EPHX2: variants seen among roughly 807,000 people sequenced by gnomAD.
The protein encoded by EPHX2 is bifunctional epoxide hydrolase 2.
Under a neutral mutation model 78.7 loss-of-function variants are expected in EPHX2, and 74 were observed. The ratio of observed to expected loss-of-function variants is 0.94; its 90% CI spans 0.78 to 1.14. The LOEUF is 1.14. Among genes scored for constraint, EPHX2 ranks in the 50% most tolerant of loss-of-function variants. The probability of loss-of-function intolerance (pLI) is 0.00; values close to 1 mark genes in which losing one functional copy is unlikely to be tolerated. For missense variants in EPHX2, 715 were observed against 702.5 expected (o/e 1.02, Z -0.20); for synonymous variants, 251 against 255.2 (o/e 0.98, Z 0.16).
downstream of EPHX2, among the ~76,000 whole-genome samples, chr8:27,548,205 G>A (rs1425392025): frequency 6.6e-6 from 1 of 152,218 alleles, no homozygotes; most frequent in Admixed American, 6.5e-5. Context: ...ATTTCTGTCT[G>A]TCTTGGGGTA....
intron 11 of EPHX2, among the ~76,000 whole-genome samples, chr8:27,524,241 TATTCCTTTTGCTAGC>T (rs6150517): frequency 0.078 from 11,888 of 152,206 alleles, 566 homozygotes; most frequent in Middle Eastern, 0.17. Flanking sequence ...CCGTCTTTTC[TATTCCTTTTGCTAGC>T]ATCCTATTCC....
At position 27,522,446 on chromosome 8, in the gene EPHX2, T is replaced by C. The variant is rs768715983; in HGVS notation, c.996T>C (p.Ile332=). The change falls in exon 11 of 19, where the codon ATT becomes ATC. Residue 332 remains isoleucine (I), a synonymous_variant. Coordinates refer to ENST00000521400, the MANE Select transcript of EPHX2 (RefSeq NM_001979.6). The part of the protein sequence containing the change: ...DKLGLSQAVF[I]GHDWGGMLVW... ...AGGGCCTCTCTCAAGCAGTGTTCAT[T>C]GGCCATGACTGGGGTGGCATGCTGG... 2 of 1,614,072 alleles carry C rather than the reference T, an allele frequency of 1.2e-6. No individual in the cohort carries two copies. Among genetic ancestry groups the C allele is most frequent in the Admixed American group, 1.7e-5 (1 of 60,018 alleles).
intron 15 of EPHX2, 59 bp downstream of exon 15, chr8:27,540,715 A>G: frequency 6.5e-7 from 1 of 1,540,210 alleles, no homozygotes. Context: ...AGGGATCTTC[A>G]GCCCTCAGGG....
At position 27,491,159 on chromosome 8, in the gene EPHX2, A is replaced by G. The variant is rs575890391; in HGVS notation, c.-50A>G. On this transcript the variant is annotated 5_prime_UTR_variant, in exon 1 of 19. Coordinates refer to ENST00000521400, the MANE Select transcript of EPHX2 (RefSeq NM_001979.6). ...GGGTCATGCGCCCTGGCCTTCGCGC[A>G]TCTCCCAGGTTAGCTGCGTGTCCGG... The G allele has an allele frequency of 3.3e-5, 50 of 1,520,596 alleles. No homozygotes were observed. The highest frequency in any genetic ancestry group is 1.6e-5 in the Non-Finnish European group (18 of 1,137,326). 94.2% of individuals were successfully genotyped at this position (1,520,596 alleles called of 1,614,324 possible).
At chr8:27,517,904 G>A in intron 8 of EPHX2, 134 bp from the exon 9 acceptor site, 1 of 694,698 alleles carries the variant, frequency 1.4e-6, no homozygotes, top group Non-Finnish European at 2.5e-6. Context: ...CTCAGTCTAA[G>A]GATTTAGTAA....
intron 11 of EPHX2, 107 bp from the exon 12 acceptor site, chr8:27,525,255 A>G: frequency 2.2e-6 from 2 of 925,058 alleles, no homozygotes; most frequent in African/African-American, 1.6e-5. Flanking sequence ...CCTTGTGCAT[A>G]GAATGTTCCC....
intron 6 of EPHX2, among the ~76,000 whole-genome samples, chr8:27,514,534 A>C (rs1263670247): frequency 1.3e-5 from 2 of 152,202 alleles, no homozygotes; most frequent in East Asian, 3.9e-4. Flanking sequence ...GTTAGTGGCT[A>C]TAACAAACAC....
chr8:27,544,314 C>G lies in EPHX2; in HGVS notation c.1589+70C>G, dbSNP rs1009602742. On this transcript the variant is annotated intron_variant, in intron 18 of 18. Transcript: ENST00000521400. The stretch of plus-strand genomic sequence containing the variant: ...CCGTTCACCTTCCATAAAAGCTTTC[C>G]TGGTTTCATTGTGCTGGCTTTGGCC... 4 of 1,603,934 alleles carry G rather than the reference C, an allele frequency of 2.5e-6. No individual in the cohort carries two copies. In the African/African-American group the frequency reaches 4.0e-5, roughly 16 times the overall value.
In EPHX2 at chr8:27,491,252, C is replaced by A; in HGVS notation, c.44C>A (p.Ala15Glu). 1 of 1,584,432 alleles carries A rather than the reference C, an allele frequency of 6.3e-7. No individual in the cohort carries two copies. The highest frequency in any genetic ancestry group is 1.7e-5 in the Admixed American group (1 of 58,834). ...GTCTTCGACCTTGACGGGGTGCTGGCGCTGCCAGCGGTGTTCGGCGTCCTC... is the reference window on the plus strand; with the variant it reads ...GTCTTCGACCTTGACGGGGTGCTGGAGCTGCCAGCGGTGTTCGGCGTCCTC... ...AAVFDLDGVL[A>E]LPAVFGVLGR... is the part of the protein sequence containing the mutation. The change falls in exon 1 of 19, where the codon GCG (alanine) becomes GAG (glutamate). Residue 15 changes from alanine to glutamate, a missense_variant. Transcript: ENST00000521400.
At chr8:27,547,148 G>A (rs904504020), downstream of EPHX2, among the ~76,000 whole-genome samples, 4 of 152,196 alleles carry the variant, frequency 2.6e-5, no homozygotes, top group South Asian at 2.1e-4. Context: ...ACAATTTGAC[G>A]TGAGATTTGG....
intron 18 of EPHX2, 86 bp from the exon 19 acceptor site, chr8:27,544,358 C>G (rs1585228594): frequency 1.3e-6 from 2 of 1,592,042 alleles, no homozygotes; most frequent in Non-Finnish European, 8.6e-7. Context: ...CCACTCATGT[C>G]ACTCACCTCT....
rs182414303 is a variant in EPHX2 at position 27,520,977 on chromosome 8, C to T, written c.972+68C>T. The T allele has an allele frequency of 7.2e-4, 1,155 of 1,600,538 alleles. 2 individuals are homozygous for T. The Middle Eastern group carries it at 0.012, about 16-fold the overall frequency. On this transcript the variant is annotated intron_variant, in intron 10 of 18. Coordinates refer to ENST00000521400, the MANE Select transcript of EPHX2 (RefSeq NM_001979.6). Reference sequence around the variant, plus strand: ...GGGGCCTGGGTAATTAAAGAAAAGGCGTCAGCCTCGAGCAGAGGTGCACGG... The same window carrying T: ...GGGGCCTGGGTAATTAAAGAAAAGGTGTCAGCCTCGAGCAGAGGTGCACGG...
chr8:27,522,048 T>A (rs914600426), intron 10 of EPHX2, among the ~76,000 whole-genome samples: 6 of 151,910 alleles, frequency 3.9e-5, no homozygotes, highest in African/African-American at 9.7e-5. Flanking sequence ...AAAAGTGGGG[T>A]TGTGGGGGGT....
chr8:27,504,836 A>C, intron 3 of EPHX2, 120 bp from the exon 4 acceptor site: 61 of 998,190 alleles, frequency 6.1e-5, no homozygotes, highest in Non-Finnish European at 7.8e-5. Context: ...GTTGGGCATA[A>C]GAGATTAATA....
Position 27,504,970 on chromosome 8 carries a change from A to T in EPHX2, c.361A>T (p.Ile121Phe). 1 of 1,614,062 alleles carries T rather than the reference A, an allele frequency of 6.2e-7. No individual in the cohort carries two copies. The highest frequency in any genetic ancestry group is 8.5e-7 in the Non-Finnish European group (1 of 1,180,022). ...TTTTTGCTCAGGATTCACTACTGCCATCCTCACCAACACCTGGCTGGACGA... is the reference window on the plus strand; with the variant it reads ...TTTTTGCTCAGGATTCACTACTGCCTTCCTCACCAACACCTGGCTGGACGA... ...MLRKKGFTTA[I>F]LTNTWLDDRA... The change falls in exon 4 of 19, where the codon ATC becomes TTC. Residue 121 changes from isoleucine to phenylalanine, a missense_variant. Ile to Phe is a conservative substitution (Grantham distance 21). Transcript: ENST00000521400.
Position 27,540,577 on chromosome 8 carries a change from G to A in EPHX2, c.1300G>A (p.Glu434Lys), listed in dbSNP as rs541962479. 4.9e-5 allele frequency: 79 copies of A among 1,614,164 alleles called. 1 individual carries two copies. The South Asian group carries it at 7.6e-4, about 15-fold the overall frequency. ...EAGGLFVNSP[E>K]EPSLSRMVTE... ...AGGAGGACTTTTTGTAAATAGCCCA[G>A]AAGAGCCCAGCCTCAGCAGGATGGT... Residue 434 changes from glutamate (E) to lysine (K), a missense_variant, in exon 15 of 19, where the codon GAA (glutamate) becomes AAA (lysine). Coordinates refer to ENST00000521400, the MANE Select transcript of EPHX2 (RefSeq NM_001979.6).
At chr8:27,527,001 C>G (rs930120953) in intron 12 of EPHX2, among the ~76,000 whole-genome samples, 5 of 152,026 alleles carry the variant, frequency 3.3e-5, no homozygotes, top group Admixed American at 3.3e-4. Flanking sequence ...AGTACAGTGG[C>G]GCAATCTCGG....
chr8:27,497,913 G>A (rs1049614951), intron 1 of EPHX2, among the ~76,000 whole-genome samples: 1 of 152,160 alleles, frequency 6.6e-6, no homozygotes, highest in African/African-American at 2.4e-5. Flanking sequence ...TTGTTGACCG[G>A]TAGGGATTTG....
intron 14 of EPHX2, 144 bp downstream of exon 14, chr8:27,538,836 T>C: frequency 1.2e-6 from 1 of 824,578 alleles, no homozygotes; most frequent in East Asian, 2.6e-5. Flanking sequence ...TCGGCATGCA[T>C]AGGGCTGACT....
Sources: allele counts gnomAD v4.1 joint callset (sites outside exome capture counted in the v4.1 genomes callset), GRCh38; gene constraint gnomAD v4.1.1; transcripts MANE v1.5; gene names NCBI Gene and HGNC (gene_info 2026-07-23, HGNC 2026-07-21).